Variants in SDK1 observed in about 807,000 individuals in gnomAD.
SDK1 encodes the protein protein sidekick-1.
Under a neutral mutation model 245.5 loss-of-function variants are expected in SDK1, and 157 were observed. The observed-to-expected ratio is 0.64, with a 90% CI of 0.56 to 0.73. The LOEUF is 0.73. SDK1 is among the 30% of genes least tolerant of loss of function. The probability of loss-of-function intolerance (pLI) is 0.00; values close to 1 mark genes in which losing one functional copy is unlikely to be tolerated. For synonymous variants in SDK1, 1,647 were observed against 1,278.5 expected (o/e 1.29, Z -6.15); for missense variants, 3,583 against 3,002.3 (o/e 1.19, Z -4.52).
intron 1 of SDK1, among the ~76,000 whole-genome samples, chr7:3,416,577 T>G (rs1454665351): frequency 6.6e-6 from 1 of 151,814 alleles, no homozygotes; most frequent in Admixed American, 6.6e-5. Context: ...AGGGAGGTGT[T>G]CCCCTGGCAG....
chr7:3,361,232 G>A (rs891025559), intron 1 of SDK1, among the ~76,000 whole-genome samples: 1 of 152,176 alleles, frequency 6.6e-6, no homozygotes, highest in African/African-American at 2.4e-5. Context: ...GATTGCACTC[G>A]CATCTGGATA....
intron 44 of SDK1, among the ~76,000 whole-genome samples, chr7:4,252,831 C>T (rs1339439322): frequency 6.6e-6 from 1 of 150,552 alleles, no homozygotes; most frequent in Non-Finnish European, 1.5e-5. Flanking sequence ...GTTTCCCCCC[C>T]CCTCTTTTTT....
intron 1 of SDK1, among the ~76,000 whole-genome samples, chr7:3,306,589 A>G (rs1028846177): frequency 6.6e-6 from 1 of 152,192 alleles, no homozygotes; most frequent in African/African-American, 2.4e-5. Context: ...TGGGGTTTAT[A>G]CCTAACCAGA....
At chr7:3,627,579 C>T (rs758408595) in intron 2 of SDK1, among the ~76,000 whole-genome samples, 3 of 152,160 alleles carry the variant, frequency 2.0e-5, no homozygotes, top group African/African-American at 7.2e-5. Context: ...AGAATTGTGT[C>T]GCACTGAGGG....
chr7:3,558,822 G>A (rs1429335120), intron 1 of SDK1, among the ~76,000 whole-genome samples: 1 of 152,152 alleles, frequency 6.6e-6, no homozygotes. Flanking sequence ...CTATATTAGA[G>A]ACTGTCAAAA....
intron 1 of SDK1, among the ~76,000 whole-genome samples, chr7:3,537,536 T>C (rs1035051973): frequency 2.6e-5 from 4 of 152,226 alleles, no homozygotes; most frequent in Admixed American, 2.0e-4. Context: ...GGATTCTCCA[T>C]TGTGGCACCA....
In SDK1 at chr7:4,180,749, C is replaced by T. The variant is rs561614625; in HGVS notation, c.5098+2163C>T. Among the ~76,000 whole-genome samples the T allele has an allele frequency of 3.9e-5, 6 of 152,334 alleles. No individual in the cohort carries two copies. In the East Asian group the frequency reaches 1.2e-3, roughly 29 times the overall value. The stretch of plus-strand genomic sequence containing the variant: ...TGGTGGAAGGCGAAGGGGGAGCAGG[C>T]ATCCCACACGGCACAAACAGGAGCA... On this transcript the variant is annotated intron_variant, in intron 35 of 44. Transcript: ENST00000404826.
intron 1 of SDK1, among the ~76,000 whole-genome samples, chr7:3,524,500 C>A (rs570784429): frequency 6.6e-6 from 1 of 152,250 alleles, no homozygotes; most frequent in South Asian, 2.1e-4. Flanking sequence ...CTATGCCAAA[C>A]AGGCCTTACT....
chr7:4,268,209 C>G lies in SDK1; in HGVS notation c.*2825C>G. ...CAACGTGGCTCATTTCAGATTGCTTCGGCCCCACCCTGCAAGGATGTGGTC... is the reference window on the plus strand; with the variant it reads ...CAACGTGGCTCATTTCAGATTGCTTGGGCCCCACCCTGCAAGGATGTGGTC... On this transcript the variant is annotated 3_prime_UTR_variant, in exon 45 of 45. Transcript: ENST00000404826. 3.0e-6 allele frequency: 3 copies of G among 988,368 alleles called. No homozygotes were observed. Among genetic ancestry groups the G allele is most frequent in the Non-Finnish European group, 3.6e-6 (3 of 831,772 alleles). The allele number at this position is 988,368 out of a possible 1,614,324, so 61.2% of individuals were successfully genotyped here.
chr7:3,510,750 G>A (rs978475281), intron 1 of SDK1, among the ~76,000 whole-genome samples: 4 of 151,996 alleles, frequency 2.6e-5, no homozygotes, highest in South Asian at 4.1e-4. Flanking sequence ...CTTTTCAGAC[G>A]TTTAAAGGCT....
At chr7:3,658,109 A>G (rs1056785636) in intron 4 of SDK1, among the ~76,000 whole-genome samples, 2 of 152,112 alleles carry the variant, frequency 1.3e-5, no homozygotes, top group African/African-American at 4.8e-5. Context: ...GCAGGTGATA[A>G]CACCCTGGCT....
chr7:3,814,090 T>C (rs1779450724), intron 4 of SDK1, among the ~76,000 whole-genome samples: 2 of 137,602 alleles, frequency 1.5e-5, no homozygotes, highest in African/African-American at 5.7e-5. Context: ...GTAGTTTCTT[T>C]TGCTGTGCAG....
At chr7:3,960,891 G>A (rs1050767932) in intron 8 of SDK1, among the ~76,000 whole-genome samples, 3 of 152,184 alleles carry the variant, frequency 2.0e-5, no homozygotes, top group African/African-American at 2.4e-5. Context: ...AATATTTAGC[G>A]AGCTTATATT....
chr7:3,731,825 C>T (rs1343312810), intron 4 of SDK1, among the ~76,000 whole-genome samples: 1 of 152,166 alleles, frequency 6.6e-6, no homozygotes, highest in Non-Finnish European at 1.5e-5. Context: ...CAGAGTCTTG[C>T]TCTGTCACCA....
rs115134574 is a variant in SDK1 at position 4,245,697 on chromosome 7, C to T, written c.6273C>T (p.Pro2091=). The change falls in exon 44 of 45, where the codon CCC becomes CCT. Residue 2091 remains proline (P), a synonymous_variant. Coordinates refer to ENST00000404826, the MANE Select transcript of SDK1 (RefSeq NM_152744.4). ...CTAGGTCCCCACCCCGGCCTAGCCC[C>T]GGCGGCCTGCACTACTCAGACGAGG... ...NGTRSPPRPS[P]GGLHYSDEDI... The T allele has an allele frequency of 9.8e-4, 1,589 of 1,614,044 alleles. 7 individuals are homozygous for T. The African/African-American group carries it at 0.016, about 17-fold the overall frequency.
intron 1 of SDK1, among the ~76,000 whole-genome samples, chr7:3,390,401 C>T (rs1047187527): frequency 6.6e-6 from 1 of 152,126 alleles, no homozygotes; most frequent in African/African-American, 2.4e-5. Context: ...TTATCGAAGC[C>T]AATATTGTAA....
chr7:3,390,088 G>A (rs1211675729), intron 1 of SDK1, among the ~76,000 whole-genome samples: 1 of 152,110 alleles, frequency 6.6e-6, no homozygotes, highest in African/African-American at 2.4e-5. Context: ...TGATGAAGTT[G>A]GCTATTTAGG....
chr7:3,585,399 T>A (rs1780652141), intron 1 of SDK1, among the ~76,000 whole-genome samples: 1 of 152,078 alleles, frequency 6.6e-6, no homozygotes, highest in Non-Finnish European at 1.5e-5. Context: ...TAGAGATAAT[T>A]GATGAAAGAA....
At chr7:4,174,197 C>A (rs777710264) in intron 32 of SDK1, 25 bp from the exon 33 acceptor site, 3 of 1,613,176 alleles carry the variant, frequency 1.9e-6, no homozygotes, top group Non-Finnish European at 2.5e-6. Context: ...CATGGTGTGG[C>A]TGAGTCGGTG....
Sources: gnomAD v4.1 joint callset for allele counts (sites outside exome capture counted in the v4.1 genomes callset) on GRCh38, gnomAD v4.1.1 for gene constraint, MANE v1.5 for transcripts, NCBI Gene and HGNC (gene_info 2026-07-23, HGNC 2026-07-21) for gene names.